The following MYCBP2 variants were observed in gnomAD, a reference collection of about 807,000 sequenced individuals.
MYCBP2 encodes the protein E3 ubiquitin-protein ligase MYCBP2.
Under a neutral mutation model 525.3 loss-of-function variants are expected in MYCBP2, and 120 were observed. The observed-to-expected ratio is 0.23, with a 90% CI of 0.20 to 0.27. The LOEUF (loss-of-function observed/expected upper bound fraction) is 0.27, where lower values mean the gene tolerates loss of function less well. Among genes scored for constraint, MYCBP2 ranks in the 10% least tolerant of loss-of-function variants. The probability of loss-of-function intolerance (pLI) is 1.00; values close to 1 mark genes in which losing one functional copy is unlikely to be tolerated. For missense variants in MYCBP2, 4,149 were observed against 5,657.1 expected (o/e 0.73, Z 8.55); for synonymous variants, 1,894 against 1,955.8 (o/e 0.97, Z 0.83).
At chr13:77,115,979 G>A (rs1332742863) in intron 55 of MYCBP2, among the ~76,000 whole-genome samples, 1 of 151,630 alleles carries the variant, frequency 6.6e-6, no homozygotes, top group Non-Finnish European at 1.5e-5. Context: ...TATTTACCGA[G>A]GTAAGGCTGA....
chr13:77,140,917 C>G lies in MYCBP2; in HGVS notation c.7330G>C (p.Asp2444His). 2 of 1,610,072 alleles carry G rather than the reference C, an allele frequency of 1.2e-6. No homozygotes were observed. Among genetic ancestry groups the G allele is most frequent in the Non-Finnish European group, 8.5e-7 (1 of 1,179,024 alleles). ...GGTGGTATCATCCCTTTTGGTGGGT[C>G]TTTTACTTTTACTTCCAGACCAGCA... The part of the protein sequence containing the change: ...IDAGLEVKVK[D>H]PPKGMIPPGT... Residue 2444 changes from aspartate to histidine, a missense_variant, in exon 50 of 83, where the codon GAC becomes CAC. Around this residue, in one of 21 missense-constraint regions of MYCBP2, gnomAD observed 692 missense variants for 852.7 expected, o/e 0.81. Coordinates refer to ENST00000544440, the MANE Select transcript of MYCBP2 (RefSeq NM_015057.5).
rs1411732261 is a variant in MYCBP2 at position 77,081,043 on chromosome 13, AGAG to A, written c.11418+381_11418+383del. ...CAGCAGAGGGAAAGAGTAATTTTTTAGAGGAGTTACTTAGAATTTCTCTGCTGA... is the reference window on the plus strand; with the variant it reads ...CAGCAGAGGGAAAGAGTAATTTTTTAGAGTTACTTAGAATTTCTCTGCTGA... On this transcript the variant is annotated intron_variant, in intron 65 of 82. Transcript: ENST00000544440. The surrounding 1 kb of genome is among the most constrained non-coding windows in gnomAD (Gnocchi z 4.6). 5.8e-6 allele frequency: 1 copy of A among 171,456 alleles called. No individual in the cohort carries two copies. The highest frequency in any genetic ancestry group is 2.4e-5 in the African/African-American group (1 of 41,938). 10.6% of individuals were successfully genotyped at this position (171,456 alleles called of 1,614,324 possible). A position where few individuals can be genotyped will look rare whatever the true frequency, so the allele number is the denominator to read the frequency against.
chr13:77,102,132 A>AT (rs138910267), intron 55 of MYCBP2, among the ~76,000 whole-genome samples: 3,854 of 151,872 alleles, frequency 0.025, 81 homozygotes, highest in Middle Eastern at 0.056. Flanking sequence ...TGACCCATAC[A>AT]TTTTTTCATG....
chr13:77,097,109 G>A (rs147331532), intron 56 of MYCBP2, among the ~76,000 whole-genome samples: 1 of 152,140 alleles, frequency 6.6e-6, no homozygotes, highest in Non-Finnish European at 1.5e-5. Context: ...ACACATTAAT[G>A]GCACACCCTT....
rs567860852 is a variant in MYCBP2 at position 77,286,921 on chromosome 13, G to A, written c.594+1240C>T. Among the ~76,000 whole-genome samples, 4 of 145,644 alleles carry A rather than the reference G, an allele frequency of 2.7e-5. No homozygotes were observed. In the Admixed American group the frequency reaches 2.8e-4, roughly 10 times the overall value. On this transcript the variant is annotated intron_variant, in intron 3 of 82. Transcript: ENST00000544440. ...GTTTTGGTAAATGGAGTCTAGCTCT[G>A]TTGTCCAGGCTGGAGTGCAGTGGCG...
chr13:77,206,622 G>GAATT, intron 24 of MYCBP2, 31 bp downstream of exon 24: 7 of 1,525,918 alleles, frequency 4.6e-6, no homozygotes, highest in Non-Finnish European at 6.2e-6. Context: ...ACATTAATGT[G>GAATT]AATTAATGGT....
Position 77,233,206 on chromosome 13 carries a change from C to T in MYCBP2, c.2687G>A (p.Arg896Lys), listed in dbSNP as rs773731218. 34 of 1,613,682 alleles carry T rather than the reference C, an allele frequency of 2.1e-5. No individual in the cohort carries two copies. The highest frequency in any genetic ancestry group is 3.3e-5 in the Admixed American group (2 of 59,974). Residue 896 changes from arginine (R) to lysine (K), a missense_variant, in exon 18 of 83, where the codon AGA (arginine) becomes AAA (lysine). Arg to Lys is a conservative substitution (Grantham distance 26). Transcript: ENST00000544440. ...TAGCTGTGCTGGATGGGATCTGAGT[C>T]TGGCTAGAGCCTGTTCTCGATGGTT... The part of the protein sequence containing the change: ...FMNHREQALA[R>K]LRSHPAQLKH...
intron 20 of MYCBP2, among the ~76,000 whole-genome samples, chr13:77,219,780 GT>G (rs1368687395): frequency 6.6e-6 from 1 of 152,100 alleles, no homozygotes; most frequent in African/African-American, 2.4e-5. Flanking sequence ...GAGAAAAGGT[GT>G]GGTGGTAGAT....
chr13:77,189,517 C>T (rs1211362739), intron 29 of MYCBP2, among the ~76,000 whole-genome samples: 1 of 152,016 alleles, frequency 6.6e-6, no homozygotes, highest in Non-Finnish European at 1.5e-5. Flanking sequence ...TGTTTGTAAC[C>T]ACAAAGTGAT....
chr13:77,306,593 CT>C (rs1278689759), intron 1 of MYCBP2, among the ~76,000 whole-genome samples: 1 of 152,074 alleles, frequency 6.6e-6, no homozygotes, highest in Non-Finnish European at 1.5e-5. Context: ...GGGAAGAGAA[CT>C]CTCTGAAAAG....
chr13:77,232,526 G>A (rs1179725676), intron 18 of MYCBP2, among the ~76,000 whole-genome samples: 1 of 152,106 alleles, frequency 6.6e-6, no homozygotes, highest in Non-Finnish European at 1.5e-5. Context: ...AGATCTCAAA[G>A]GACAACACCG....
intron 26 of MYCBP2, among the ~76,000 whole-genome samples, chr13:77,195,638 T>TTACTGTATCTATTCTC (rs1286792970): frequency 3.9e-5 from 6 of 152,166 alleles, no homozygotes; most frequent in Non-Finnish European, 8.8e-5. Flanking sequence ...TTCTCTGCCA[T>TTACTGTATCTATTCTC]TACTGTATCT....
At chr13:77,260,022 A>C (rs2072988899) in intron 13 of MYCBP2, among the ~76,000 whole-genome samples, 1 of 152,244 alleles carries the variant, frequency 6.6e-6, no homozygotes, top group Non-Finnish European at 1.5e-5. Flanking sequence ...ATAGAATAGT[A>C]AATAAGACAG....
At chr13:77,124,716 G>C (rs929160379) in intron 54 of MYCBP2, among the ~76,000 whole-genome samples, 1 of 152,168 alleles carries the variant, frequency 6.6e-6, no homozygotes, top group East Asian at 1.9e-4. Flanking sequence ...GAAATTCTTT[G>C]CTCTGTTGTG....
At chr13:77,151,047 C>G (rs1404106494) in intron 46 of MYCBP2, 98 bp from the exon 47 acceptor site, 1 of 980,570 alleles carries the variant, frequency 1.0e-6, no homozygotes, top group Non-Finnish European at 1.5e-6. Flanking sequence ...ATTATGTATA[C>G]TTTATGTTAG....
In MYCBP2 at chr13:77,051,805, G is replaced by A; in HGVS notation, c.13755+6C>T. The A allele has an allele frequency of 6.2e-7, 1 of 1,605,498 alleles. No individual in the cohort carries two copies. Among genetic ancestry groups the A allele is most frequent in the Non-Finnish European group, 8.5e-7 (1 of 1,172,982 alleles). On this transcript the variant is annotated splice_donor_region_variant and intron_variant, in intron 81 of 82. Transcript: ENST00000544440. ...ACTGTTGTTTCTAATAAAATGTTCT[G>A]CCTACCTGAGCCCTGGAAACATCAG... is the stretch of plus-strand genomic sequence containing the variant.
At chr13:77,166,707 C>T (rs2058555958) in intron 40 of MYCBP2, among the ~76,000 whole-genome samples, 153 bp from the exon 41 acceptor site, 1 of 151,928 alleles carries the variant, frequency 6.6e-6, no homozygotes, top group East Asian at 1.9e-4. Context: ...TTACCTATGA[C>T]AGAGAAGGAG....
intron 1 of MYCBP2, among the ~76,000 whole-genome samples, chr13:77,310,256 A>G (rs1253069938): frequency 6.6e-6 from 1 of 152,100 alleles, no homozygotes; most frequent in African/African-American, 2.4e-5. Context: ...ATTTTTATGC[A>G]CCCCGCTACC....
chr13:77,060,917 C>T (rs1218642726), intron 76 of MYCBP2, among the ~76,000 whole-genome samples: 4 of 152,100 alleles, frequency 2.6e-5, no homozygotes, highest in Non-Finnish European at 5.9e-5. Flanking sequence ...TAAATGAAGT[C>T]AATGAGTTCC....
Sources: gnomAD v4.1 joint callset for allele counts (sites outside exome capture counted in the v4.1 genomes callset) on GRCh38, gnomAD v4.1.1 for gene constraint, gnomAD v4.1.1 regional missense constraint, Gnocchi (gnomAD v3.1) non-coding constraint, MANE v1.5 for transcripts, NCBI Gene and HGNC (gene_info 2026-07-23, HGNC 2026-07-21) for gene names.